The following SLC9A3 variants were observed in gnomAD, a reference collection of about 807,000 sequenced individuals.
SLC9A3 encodes solute carrier family 9 member A3, also known as sodium/hydrogen exchanger 3.
In SLC9A3, 37 loss-of-function variants were observed where a neutral mutation model predicts 86.8. That is an observed-to-expected ratio of 0.43 (90% CI 0.33 to 0.56). The LOEUF is 0.56. Among genes scored for constraint, SLC9A3 ranks in the 20% least tolerant of loss-of-function variants. The pLI, the probability that SLC9A3 is intolerant of heterozygous loss-of-function variation, is 0.06. For missense variants in SLC9A3, 1,011 were observed against 1,171.9 expected (o/e 0.86, Z 2.00); for synonymous variants, 581 against 528.3 (o/e 1.10, Z -1.37).
At chr5:502,285 C>A (rs926636549) in intron 1 of SLC9A3, among the ~76,000 whole-genome samples, 2 of 152,222 alleles carry the variant, frequency 1.3e-5, no homozygotes, top group Non-Finnish European at 2.9e-5. Flanking sequence ...TCCGGCCCCC[C>A]ACCCCCAGAG....
At chr5:507,319 C>T (rs1342094097) in intron 1 of SLC9A3, among the ~76,000 whole-genome samples, 2 of 143,332 alleles carry the variant, frequency 1.4e-5, no homozygotes, top group Non-Finnish European at 3.0e-5. Context: ...AGGCGCCCGC[C>T]ACCACGCCCA....
intron 1 of SLC9A3, among the ~76,000 whole-genome samples, chr5:520,762 G>A (rs1733863011): frequency 6.6e-6 from 1 of 151,878 alleles, no homozygotes; most frequent in South Asian, 2.1e-4. Flanking sequence ...CTCCTTCCAG[G>A]GGCCCATTGC....
At chr5:475,352 C>T in intron 15 of SLC9A3, 1 of 618,112 alleles carries the variant, frequency 1.6e-6, no homozygotes, top group South Asian at 2.0e-5. Context: ...ACATACCCCA[C>T]CTGCTCCCTG....
chr5:489,153 C>T (rs1245935644), intron 2 of SLC9A3, among the ~76,000 whole-genome samples: 1 of 152,220 alleles, frequency 6.6e-6, no homozygotes, highest in African/African-American at 2.4e-5. Flanking sequence ...GGGTGCCAGG[C>T]TCCAGGGGAC....
At chr5:483,879 C>G (rs112928323) in intron 5 of SLC9A3, among the ~76,000 whole-genome samples, 1 of 152,248 alleles carries the variant, frequency 6.6e-6, no homozygotes, top group South Asian at 2.1e-4. Flanking sequence ...AGCCTGGGAG[C>G]GCCAGCGGAG....
At position 473,169 on chromosome 5, in the gene SLC9A3, G is replaced by GCCCCCGGCGCAGGCCCCA; in HGVS notation, c.*209_*210insTGGGGCCTGCGCCGGGGG. The GCCCCCGGCGCAGGCCCCA allele has an allele frequency of 6.7e-6, 3 of 450,002 alleles. No individual in the cohort carries two copies. Among genetic ancestry groups the GCCCCCGGCGCAGGCCCCA allele is most frequent in the Non-Finnish European group, 1.0e-5 (3 of 289,918 alleles). 27.9% of individuals were successfully genotyped at this position (450,002 alleles called of 1,614,324 possible). A position where few individuals can be genotyped will look rare whatever the true frequency, so the allele number is the denominator to read the frequency against. ...CGGCCCCGCCCCCGGCGCAGGCCCCGCCCCCGGCTCGCCCTCGGGCGGCTC... is the reference window on the plus strand; with the variant it reads ...CGGCCCCGCCCCCGGCGCAGGCCCCGCCCCCGGCGCAGGCCCCACCCCCGGCTCGCCCTCGGGCGGCTC... On this transcript the variant is annotated 3_prime_UTR_variant, in exon 17 of 17. Transcript: ENST00000264938.
chr5:509,741 A>G (rs1324292080), intron 1 of SLC9A3, among the ~76,000 whole-genome samples: 1 of 151,988 alleles, frequency 6.6e-6, no homozygotes, highest in East Asian at 1.9e-4. Context: ...TGAGAGGAGA[A>G]TGGGGTGCGG....
chr5:481,709 C>T, intron 8 of SLC9A3, 74 bp from the exon 9 acceptor site: 1 of 1,307,820 alleles, frequency 7.6e-7, no homozygotes, highest in Non-Finnish European at 1.1e-6. Flanking sequence ...CCACTCCTGG[C>T]CCAGCCCCGA....
intron 1 of SLC9A3, among the ~76,000 whole-genome samples, chr5:493,917 G>A (rs1383821834): frequency 6.6e-6 from 1 of 152,220 alleles, no homozygotes; most frequent in Non-Finnish European, 1.5e-5. Flanking sequence ...GGAACCACGC[G>A]ACAGTGATAA....
Position 484,510 on chromosome 5 carries a change from AG to A in SLC9A3, c.932+9del. 2 of 1,610,594 alleles carry A rather than the reference AG, an allele frequency of 1.2e-6. No homozygotes were observed. The highest frequency in any genetic ancestry group is 1.7e-6 in the Non-Finnish European group (2 of 1,178,682). On this transcript the variant is annotated intron_variant, in intron 5 of 16. Transcript: ENST00000264938. The stretch of plus-strand genomic sequence containing the variant: ...GCGTGGAGAAGCTCGCGTGTGTGGG[AG>A]GGACTCACGCGAGGATGGCCGACAG...
intron 1 of SLC9A3, among the ~76,000 whole-genome samples, chr5:502,687 G>A (rs1740346744): frequency 6.6e-6 from 1 of 152,252 alleles, no homozygotes; most frequent in Non-Finnish European, 1.5e-5. Context: ...CGCAGCGGTG[G>A]AGTGGAACAG....
rs1738661486 is a variant in SLC9A3 at position 475,452 on chromosome 5, A to C, written c.2251+109T>G. The stretch of plus-strand genomic sequence containing the variant: ...AGCAGGGCCCTTGAGAACCCACAGG[A>C]GACCCCACCCCCCCAGGTCCCAGTG... On this transcript the variant is annotated intron_variant, in intron 15 of 16. Coordinates refer to ENST00000264938, the MANE Select transcript of SLC9A3 (RefSeq NM_004174.4). 7.1e-6 allele frequency: 5 copies of C among 700,888 alleles called. No individual in the cohort carries two copies. In the South Asian group the frequency reaches 8.6e-5, roughly 12 times the overall value. 43.4% of individuals were successfully genotyped at this position (700,888 alleles called of 1,614,324 possible).
intron 1 of SLC9A3, among the ~76,000 whole-genome samples, chr5:493,089 A>G (rs1205323116): frequency 6.6e-6 from 1 of 150,488 alleles, no homozygotes; most frequent in African/African-American, 2.4e-5. Context: ...TATCTGGGCC[A>G]TGTCTCCTGT....
chr5:520,696 T>G (rs1273764303), intron 1 of SLC9A3, among the ~76,000 whole-genome samples: 8 of 151,962 alleles, frequency 5.3e-5, no homozygotes, highest in African/African-American at 1.7e-4. Flanking sequence ...TCCCTCTGCC[T>G]CCCCAGGGAC....
chr5:513,854 G>C (rs1310798608), intron 1 of SLC9A3, among the ~76,000 whole-genome samples: 1 of 152,214 alleles, frequency 6.6e-6, no homozygotes, highest in Non-Finnish European at 1.5e-5. Flanking sequence ...GTCGAACGCA[G>C]CTCTCCCATT....
At chr5:507,705 A>G (rs1201757601) in intron 1 of SLC9A3, among the ~76,000 whole-genome samples, 1 of 110,416 alleles carries the variant, frequency 9.1e-6, no homozygotes, top group East Asian at 2.3e-4. Context: ...AGACGCCCGA[A>G]TCTCCACCCC....
At chr5:507,163 C>CTGCTTTTTTTTTTTTTTTTTTTTTTT (rs1553999262) in intron 1 of SLC9A3, among the ~76,000 whole-genome samples, 4 of 34,754 alleles carry the variant, frequency 1.2e-4, no homozygotes, top group East Asian at 4.1e-4. Flanking sequence ...CCGGCTGCTG[C>CTGCTTTTTTTTTTTTTTTTTTTTTTT]TTCTTTTTTT....
At position 484,693 on chromosome 5, in the gene SLC9A3, G is replaced by T. The variant is rs1739382987; in HGVS notation, c.759C>A (p.Ser253=). ...TGVDCVKGIV[S]FFVVSLGGTL... ...TGCCCCCCAGGCTCACCACGAAGAAGGACACTGGGTAGAGGACGCCCTTTG... is the reference window on the plus strand; with the variant it reads ...TGCCCCCCAGGCTCACCACGAAGAATGACACTGGGTAGAGGACGCCCTTTG... Residue 253 remains serine (S), a synonymous_variant, in exon 5 of 17, where the codon TCC becomes TCA. Coordinates refer to ENST00000264938, the MANE Select transcript of SLC9A3 (RefSeq NM_004174.4). 6.2e-7 allele frequency: 1 copy of T among 1,612,794 alleles called. No individual in the cohort carries two copies. The highest frequency in any genetic ancestry group is 1.3e-5 in the African/African-American group (1 of 74,950).
At chr5:512,789 G>A (rs186191150) in intron 1 of SLC9A3, among the ~76,000 whole-genome samples, 56 of 152,282 alleles carry the variant, frequency 3.7e-4, no homozygotes, top group African/African-American at 1.2e-3. Flanking sequence ...GGCAGAGAAC[G>A]TGCACGGTGG....
Sources: allele counts gnomAD v4.1 joint callset (sites outside exome capture counted in the v4.1 genomes callset), GRCh38; gene constraint gnomAD v4.1.1; transcripts MANE v1.5; gene names NCBI Gene and HGNC (gene_info 2026-07-23, HGNC 2026-07-21).